ZWILCH: variants seen among roughly 807,000 people sequenced by gnomAD.
The protein encoded by ZWILCH is zwilch kinetochore protein.
Under a neutral mutation model 79.9 loss-of-function variants are expected in ZWILCH, and 74 were observed. That is an observed-to-expected ratio of 0.93 (90% CI 0.77 to 1.12). The LOEUF is 1.12. ZWILCH is among the 50% of genes most tolerant of loss of function. ZWILCH has a pLI of 0.00. For synonymous variants in ZWILCH, 241 were observed against 228.2 expected (o/e 1.06, Z -0.51); for missense variants, 694 against 687.5 (o/e 1.01, Z -0.11).
chr15:66,543,453 T>C (rs1455693288), intron 17 of ZWILCH, among the ~76,000 whole-genome samples: 1 of 152,172 alleles, frequency 6.6e-6, no homozygotes, highest in Non-Finnish European at 1.5e-5. Flanking sequence ...GCAAAGCTTT[T>C]AAGGTTCTAT....
At chr15:66,506,300 A>G (rs1893815080) in intron 1 of ZWILCH, among the ~76,000 whole-genome samples, 1 of 152,200 alleles carries the variant, frequency 6.6e-6, no homozygotes, top group African/African-American at 2.4e-5. Context: ...GACATCTTTC[A>G]TTGTGACTCC....
chr15:66,544,720 G>GTTTTTTTTTTTT (rs1555426549), intron 17 of ZWILCH, among the ~76,000 whole-genome samples: 4 of 141,298 alleles, frequency 2.8e-5, no homozygotes, highest in Admixed American at 7.3e-5. Flanking sequence ...TGTTTTTTTG[G>GTTTTTTTTTTTT]TTTTTGTGTG....
intron 1 of ZWILCH, among the ~76,000 whole-genome samples, chr15:66,508,003 G>A (rs1893893175): frequency 6.6e-6 from 1 of 151,372 alleles, no homozygotes; most frequent in African/African-American, 2.4e-5. Flanking sequence ...ATAAACATCT[G>A]TAAGAATAAA....
Position 66,537,281 on chromosome 15 carries a change from G to C in ZWILCH, c.1574+18G>C. On this transcript the variant is annotated intron_variant, in intron 16 of 18. Coordinates refer to ENST00000307897, the MANE Select transcript of ZWILCH (RefSeq NM_017975.5). The stretch of plus-strand genomic sequence containing the variant: ...TATCAAAGGTAAGCAATTTTTGCTA[G>C]GCATGGTGGCTCATGCCTGTAATCC... 2 of 1,583,514 alleles carry C rather than the reference G, an allele frequency of 1.3e-6. No individual in the cohort carries two copies. Among genetic ancestry groups the C allele is most frequent in the Non-Finnish European group, 1.7e-6 (2 of 1,155,354 alleles).
At chr15:66,535,112 G>A (rs960835457) in intron 14 of ZWILCH, among the ~76,000 whole-genome samples, 1 of 151,578 alleles carries the variant, frequency 6.6e-6, no homozygotes, top group Non-Finnish European at 1.5e-5. Context: ...CGCCTAGGTT[G>A]GGATCATCAG....
intron 17 of ZWILCH, among the ~76,000 whole-genome samples, chr15:66,544,355 A>G (rs946844792): frequency 2.0e-5 from 3 of 152,172 alleles, no homozygotes; most frequent in Non-Finnish European, 4.4e-5. Context: ...TTTTTGAGAC[A>G]GGGTCTTGCT....
chr15:66,530,972 T>G (rs912064481), intron 12 of ZWILCH, among the ~76,000 whole-genome samples: 2 of 152,208 alleles, frequency 1.3e-5, no homozygotes, highest in African/African-American at 4.8e-5. Context: ...AACCTTACCA[T>G]GTACTATTAG....
At chr15:66,515,733 C>A in intron 4 of ZWILCH, 89 bp downstream of exon 4, 1 of 855,596 alleles carries the variant, frequency 1.2e-6, no homozygotes, top group East Asian at 2.4e-5. Context: ...GGCCTCTAGC[C>A]CTTATATCTT....
intron 2 of ZWILCH, 47 bp downstream of exon 2, chr15:66,508,939 CTG>C: frequency 6.3e-7 from 1 of 1,597,200 alleles, no homozygotes; most frequent in Non-Finnish European, 8.6e-7. Context: ...CTAAAATTGT[CTG>C]TTTTTATTTT....
chr15:66,518,562 C>CA lies in ZWILCH; in HGVS notation c.321-315dup, dbSNP rs1894374165. On this transcript the variant is annotated intron_variant, in intron 4 of 18. Transcript: ENST00000307897. ...ACGTGGTGGCTCATGCCTATAATCCCAACACTTTGGAAGGCTAAGGCAGAA... is the reference window on the plus strand; with the variant it reads ...ACGTGGTGGCTCATGCCTATAATCCCAAACACTTTGGAAGGCTAAGGCAGAA... Among the ~76,000 whole-genome samples the CA allele has an allele frequency of 2.0e-5, 3 of 152,266 alleles. No homozygotes were observed. In the East Asian group the frequency reaches 5.8e-4, roughly 29 times the overall value.
At chr15:66,530,324 C>G (rs1257568100) in intron 12 of ZWILCH, among the ~76,000 whole-genome samples, 1 of 152,154 alleles carries the variant, frequency 6.6e-6, no homozygotes, top group South Asian at 2.1e-4. Context: ...GCAGTCACCT[C>G]TGGTGGAAGG....
At position 66,527,868 on chromosome 15, in the gene ZWILCH, C is replaced by T; in HGVS notation, c.925C>T (p.Leu309=). Residue 309 remains leucine, a synonymous_variant, in exon 10 of 19, where the codon CTG becomes TTG. Coordinates refer to ENST00000307897, the MANE Select transcript of ZWILCH (RefSeq NM_017975.5). ...TTGCCACTTTCTAGACTTAAATAAG[C>T]TGGATGGATTTGGTGATTCTACAAA... ...VQEFLNDLNK[L]DGFGDSTKKD... is the part of the protein sequence containing the mutation. The T allele has an allele frequency of 6.3e-7, 1 of 1,599,184 alleles. No individual in the cohort carries two copies. The highest frequency in any genetic ancestry group is 1.8e-5 in the Admixed American group (1 of 55,332).
At chr15:66,531,460 T>C (rs1347509150) in intron 12 of ZWILCH, among the ~76,000 whole-genome samples, 1 of 152,062 alleles carries the variant, frequency 6.6e-6, no homozygotes, top group Non-Finnish European at 1.5e-5. Flanking sequence ...AATTTTATTT[T>C]ATTTTATTTT....
intron 7 of ZWILCH, among the ~76,000 whole-genome samples, chr15:66,522,245 T>C (rs543848894): frequency 3.9e-5 from 6 of 152,064 alleles, no homozygotes; most frequent in Admixed American, 6.6e-5. Flanking sequence ...GTGTAAGATA[T>C]TCAGTGCAGC....
intron 1 of ZWILCH, 134 bp from the exon 2 acceptor site, chr15:66,508,707 A>C: frequency 7.0e-7 from 1 of 1,436,754 alleles, no homozygotes; most frequent in South Asian, 1.5e-5. Flanking sequence ...ACTACATCTT[A>C]GGGCTGCTGT....
In ZWILCH at chr15:66,517,430, G is replaced by GTGTGTGTGTGTGTGTGTATATA; in HGVS notation, c.321-1448_321-1447insGTGTGTGTGTGTGTGTATATAT. The stretch of plus-strand genomic sequence containing the variant: ...TGTTTGTGTGTGCGTGTGTGTGTGT[G>GTGTGTGTGTGTGTGTGTATATA]TATATATATATATATATATATATAT... On this transcript the variant is annotated intron_variant, in intron 4 of 18. Transcript: ENST00000307897. Among the ~76,000 whole-genome samples the GTGTGTGTGTGTGTGTGTATATA allele has an allele frequency of 4.1e-3, 272 of 66,478 alleles. 1 individual carries two copies. The highest frequency in any genetic ancestry group is 6.5e-3 in the Non-Finnish European group (222 of 34,054). The allele number at this position is 66,478 out of a possible 152,430, so 43.6% of individuals were successfully genotyped here. A position where few individuals can be genotyped will look rare whatever the true frequency, so the allele number is the denominator to read the frequency against.
At position 66,533,603 on chromosome 15, in the gene ZWILCH, G is replaced by A. The variant is rs575103606; in HGVS notation, c.1341+590G>A. On this transcript the variant is annotated intron_variant, in intron 14 of 18. Coordinates refer to ENST00000307897, the MANE Select transcript of ZWILCH (RefSeq NM_017975.5). ...ACAAGATAGAAAAACTATATCTGTT[G>A]TGCAAAATAGACTCAACTGGATTCT... 3.9e-5 allele frequency among the ~76,000 whole-genome samples: 6 copies of A among 152,096 alleles called. No homozygotes were observed. The South Asian group carries it at 1.2e-3, about 32-fold the overall frequency.
intron 4 of ZWILCH, 117 bp from the exon 5 acceptor site, chr15:66,518,762 G>T: frequency 1.1e-6 from 1 of 922,212 alleles, no homozygotes; most frequent in Admixed American, 2.2e-5. Flanking sequence ...AGTGAGCTAT[G>T]ATCGCACCAC....
intron 12 of ZWILCH, among the ~76,000 whole-genome samples, chr15:66,530,005 T>C (rs1482879065): frequency 6.6e-6 from 1 of 152,232 alleles, no homozygotes; most frequent in African/African-American, 2.4e-5. Flanking sequence ...ATAATTCTTT[T>C]GTTAAGATGT....
Sources: gnomAD v4.1 joint callset for allele counts (sites outside exome capture counted in the v4.1 genomes callset) on GRCh38, gnomAD v4.1.1 for gene constraint, MANE v1.5 for transcripts, NCBI Gene and HGNC (gene_info 2026-07-23, HGNC 2026-07-21) for gene names.